Variants in FOXN1 observed in about 807,000 individuals in gnomAD.
The protein encoded by FOXN1 is forkhead box protein N1.
In FOXN1, 15 loss-of-function variants were observed where a neutral mutation model predicts 49.0. That is an observed-to-expected ratio of 0.31 (90% CI 0.20 to 0.47). The LOEUF is 0.47. FOXN1 is among the 20% of genes least tolerant of loss of function. FOXN1 has a pLI of 1.00. For synonymous variants in FOXN1, 356 were observed against 369.0 expected (o/e 0.96, Z 0.40); for missense variants, 800 against 842.8 (o/e 0.95, Z 0.63).
intron 2 of FOXN1, 82 bp downstream of exon 2, chr17:28,524,174 C>T: frequency 7.1e-7 from 1 of 1,415,308 alleles, no homozygotes; most frequent in East Asian, 2.5e-5. Flanking sequence ...ACCTTACCGC[C>T]CCCAGGGACC....
At position 28,524,643 on chromosome 17, in the gene FOXN1, T is replaced by C. The variant is rs2151487163; in HGVS notation, c.264T>C (p.Pro88=). The C allele has an allele frequency of 1.2e-6, 2 of 1,613,694 alleles. No individual in the cohort carries two copies. Among genetic ancestry groups the C allele is most frequent in the Non-Finnish European group, 8.5e-7 (1 of 1,179,950 alleles). ...VQGHCPAGPG[P]GPFRLSPSDK... is the part of the protein sequence containing the mutation. ...GCCACTGCCCAGCCGGCCCCGGCCC[T>C]GGGCCCTTCAGGCTCTCACCCTCAG... The change falls in exon 3 of 9, where the codon CCT becomes CCC. Residue 88 remains proline (P), a synonymous_variant. Transcript: ENST00000579795.
intron 6 of FOXN1, among the ~76,000 whole-genome samples, 179 bp downstream of exon 6, chr17:28,531,024 T>C (rs2069900479): frequency 6.6e-6 from 1 of 152,126 alleles, no homozygotes; most frequent in South Asian, 2.1e-4. Flanking sequence ...CTACAAAAGG[T>C]GCTCCAAGTG....
intron 3 of FOXN1, among the ~76,000 whole-genome samples, chr17:28,526,123 T>C (rs2069761045): frequency 6.6e-6 from 1 of 152,004 alleles, no homozygotes; most frequent in East Asian, 1.9e-4. Context: ...TGAGATTGAG[T>C]TCACACCCTT....
intron 1 of FOXN1, among the ~76,000 whole-genome samples, chr17:28,515,657 C>T (rs1370321591): frequency 1.3e-5 from 2 of 151,604 alleles, no homozygotes; most frequent in African/African-American, 2.4e-5. Context: ...CAGGTGTACA[C>T]ACCTCCACAG....
At chr17:28,510,602 A>G (rs1194066908) in intron 1 of FOXN1, among the ~76,000 whole-genome samples, 1 of 151,830 alleles carries the variant, frequency 6.6e-6, no homozygotes, top group African/African-American at 2.4e-5. Flanking sequence ...ACACACACAC[A>G]CACACACACA....
intron 5 of FOXN1, 48 bp downstream of exon 5, chr17:28,529,272 G>T (rs753547551): frequency 1.2e-6 from 2 of 1,607,530 alleles, no homozygotes; most frequent in South Asian, 2.2e-5. Flanking sequence ...GAGTGAGAGG[G>T]CCCCTGGGAA....
intron 1 of FOXN1, among the ~76,000 whole-genome samples, chr17:28,510,397 C>A (rs1048370382): frequency 6.6e-6 from 1 of 151,986 alleles, no homozygotes. Flanking sequence ...CACAGACACA[C>A]GCGCACGCAC....
intron 3 of FOXN1, 67 bp downstream of exon 3, chr17:28,525,034 G>A (rs1390247206): frequency 1.5e-6 from 2 of 1,290,576 alleles, no homozygotes; most frequent in Non-Finnish European, 1.1e-6. Flanking sequence ...CCTAGAAAGA[G>A]TCAGACCTCT....
chr17:28,519,896 G>T (rs1186539759), intron 1 of FOXN1, among the ~76,000 whole-genome samples: 7 of 152,264 alleles, frequency 4.6e-5, no homozygotes, highest in African/African-American at 1.7e-4. Flanking sequence ...GTAGGAGAAG[G>T]CAGGAAAGGG....
intron 1 of FOXN1, among the ~76,000 whole-genome samples, chr17:28,511,478 C>A (rs907643739): frequency 7.9e-5 from 12 of 152,014 alleles, no homozygotes; most frequent in African/African-American, 2.9e-4. Context: ...TGGGGCACAC[C>A]CCTAGGAAGG....
Position 28,523,953 on chromosome 17 carries a change from G to C in FOXN1, c.-14-3G>C. 3 of 1,613,230 alleles carry C rather than the reference G, an allele frequency of 1.9e-6. No homozygotes were observed. Among genetic ancestry groups the C allele is most frequent in the Non-Finnish European group, 2.5e-6 (3 of 1,179,958 alleles). On this transcript the variant is annotated splice_region_variant and splice_polypyrimidine_tract_variant and intron_variant, in intron 1 of 8. Coordinates refer to ENST00000579795, the MANE Select transcript of FOXN1 (RefSeq NM_001369369.1). ...ACTCTCATGGCAGACGGCTTTCTTT[G>C]AGGCCAGGACTGGGTGATGGTGTCG... is the stretch of plus-strand genomic sequence containing the variant.
At chr17:28,512,697 C>A (rs913544778) in intron 1 of FOXN1, among the ~76,000 whole-genome samples, 4 of 152,208 alleles carry the variant, frequency 2.6e-5, no homozygotes, top group African/African-American at 7.2e-5. Flanking sequence ...TCCCCTCCCC[C>A]ACTAACCTTG....
chr17:28,514,773 C>A (rs1185290179), intron 1 of FOXN1, among the ~76,000 whole-genome samples: 5 of 152,124 alleles, frequency 3.3e-5, no homozygotes, highest in African/African-American at 9.7e-5. Context: ...CAGCAGGGAG[C>A]GTGAAGAGAG....
intron 1 of FOXN1, among the ~76,000 whole-genome samples, chr17:28,508,702 C>T (rs1263742140): frequency 6.6e-6 from 1 of 152,188 alleles, no homozygotes; most frequent in African/African-American, 2.4e-5. Flanking sequence ...AAAGGCCCCA[C>T]TCTCGCTGCG....
intron 1 of FOXN1, among the ~76,000 whole-genome samples, chr17:28,519,853 G>T (rs2069604344): frequency 6.6e-6 from 1 of 152,174 alleles, no homozygotes; most frequent in African/African-American, 2.4e-5. Flanking sequence ...CTGCCAATGG[G>T]AGAGGACAAT....
chr17:28,535,246 C>T, intron 8 of FOXN1, 48 bp downstream of exon 8: 1 of 1,594,368 alleles, frequency 6.3e-7, no homozygotes, highest in Non-Finnish European at 8.5e-7. Context: ...TGGAGAGGAG[C>T]ACCTGGCAGT....
chr17:28,535,135 G>A lies in FOXN1; in HGVS notation c.1564G>A (p.Asp522Asn). ...ARTMHDTLLP[D>N]GDLGTDLDAI... ...GACTATGCACGACACCCTGCTGCCA[G>A]ATGGAGACCTTGGCACTGACCTGGA... is the stretch of plus-strand genomic sequence containing the variant. The change falls in exon 8 of 9, where the codon GAT becomes AAT. Residue 522 changes from aspartate to asparagine, a missense_variant. By Grantham distance (23) the Asp-to-Asn change is conservative. Coordinates refer to ENST00000579795, the MANE Select transcript of FOXN1 (RefSeq NM_001369369.1). The A allele has an allele frequency of 6.2e-7, 1 of 1,611,106 alleles. No homozygotes were observed.
At chr17:28,516,036 C>A (rs998527887) in intron 1 of FOXN1, among the ~76,000 whole-genome samples, 1 of 151,710 alleles carries the variant, frequency 6.6e-6, no homozygotes, top group South Asian at 2.1e-4. Context: ...TACAACTCCA[C>A]AGGATCCATA....
At chr17:28,526,797 G>A (rs1441440398) in intron 3 of FOXN1, among the ~76,000 whole-genome samples, 3 of 152,168 alleles carry the variant, frequency 2.0e-5, no homozygotes, top group South Asian at 4.1e-4. Flanking sequence ...AGCCTGTCTG[G>A]CCACTACCCA....
Sources: gnomAD v4.1 joint callset for allele counts (sites outside exome capture counted in the v4.1 genomes callset) on GRCh38, gnomAD v4.1.1 for gene constraint, MANE v1.5 for transcripts, NCBI Gene and HGNC (gene_info 2026-07-23, HGNC 2026-07-21) for gene names.